TRIP4: variants seen among roughly 807,000 people sequenced by gnomAD.
TRIP4 encodes the protein activating signal cointegrator 1.
In TRIP4, 54 loss-of-function variants were observed where a neutral mutation model predicts 81.8. The observed-to-expected ratio is 0.66, with a 90% CI of 0.53 to 0.83. The LOEUF is 0.83. Ranked by LOEUF, TRIP4 falls within the 40% of genes least tolerant of loss-of-function variation. TRIP4 has a pLI of 0.00. For synonymous variants in TRIP4, 270 were observed against 242.8 expected (o/e 1.11, Z -1.04); for missense variants, 662 against 683.6 (o/e 0.97, Z 0.35).
At chr15:64,392,678 G>A in intron 1 of TRIP4, among the ~76,000 whole-genome samples, 1 of 152,030 alleles carries the variant, frequency 6.6e-6, no homozygotes, top group East Asian at 1.9e-4. Flanking sequence ...ATGTAGTGGT[G>A]CAATCATGGC....
intron 11 of TRIP4, among the ~76,000 whole-genome samples, chr15:64,436,751 G>A (rs1480219275): frequency 1.8e-5 from 1 of 55,024 alleles, no homozygotes; most frequent in Non-Finnish European, 3.5e-5. Flanking sequence ...TTCTTTAGGT[G>A]ACCATCTATG....
At chr15:64,408,556 G>A (rs987013694) in intron 6 of TRIP4, among the ~76,000 whole-genome samples, 8 of 152,064 alleles carry the variant, frequency 5.3e-5, no homozygotes, top group Non-Finnish European at 1.0e-4. Flanking sequence ...CACTGTGCCC[G>A]GCTGACAAAA....
chr15:64,418,558 T>C lies in TRIP4; in HGVS notation c.1188T>C (p.Gly396=). The change falls in exon 9 of 13, where the codon GGT becomes GGC. Residue 396 remains glycine (G), a synonymous_variant. Coordinates refer to ENST00000261884, the MANE Select transcript of TRIP4 (RefSeq NM_016213.5). Reference sequence around the variant, plus strand: ...CTGTGTAGTGGGTTGACCACACAGGTGCAGCCTCACAGAAGAAGGCTTTCC... The same window carrying C: ...CTGTGTAGTGGGTTGACCACACAGGCGCAGCCTCACAGAAGAAGGCTTTCC... ...QSPPQWVDHT[G]AASQKKAFRS... The C allele has an allele frequency of 6.2e-7, 1 of 1,612,568 alleles. No individual in the cohort carries two copies.
rs1892085728 is a variant in TRIP4 at position 64,424,155 on chromosome 15, G to A, written c.1483G>A (p.Asp495Asn). 6.2e-7 allele frequency: 1 copy of A among 1,614,098 alleles called. No individual in the cohort carries two copies. The highest frequency in any genetic ancestry group is 8.5e-7 in the Non-Finnish European group (1 of 1,180,006). ...TACATATCGTCTTCTTCGTGGGAAA[G>A]GTAACAGCCGCATATTCTCCTTTCA... is the stretch of plus-strand genomic sequence containing the variant. ...QATYRLLRGK[D>N]VEFPNDYPSG... Residue 495 changes from aspartate to asparagine, a missense_variant and splice_region_variant, in exon 10 of 13, where the codon GAT becomes AAT. Physicochemically the swap from Asp to Asn is conservative, Grantham distance 23 (BLOSUM62 1). Coordinates refer to ENST00000261884, the MANE Select transcript of TRIP4 (RefSeq NM_016213.5).
chr15:64,447,376 T>A (rs913696047), intron 12 of TRIP4, among the ~76,000 whole-genome samples: 5 of 152,222 alleles, frequency 3.3e-5, no homozygotes, highest in Admixed American at 6.5e-5. Flanking sequence ...AGAGAAGTAC[T>A]TCTCAAACTA....
rs1353295789 is a variant in TRIP4, at chr15:64,400,795, A to T, written c.671A>T (p.Gln224Leu). The change falls in exon 5 of 13, where the codon CAG becomes CTG. Residue 224 changes from glutamine (Q) to leucine (L), a missense_variant. Coordinates refer to ENST00000261884, the MANE Select transcript of TRIP4 (RefSeq NM_016213.5). ...TTACAGCGTGACTCAAACAAGAGCC[A>T]GAAACTGCTAAAGAAACTCATGTCA... ...DILQRDSNKS[Q>L]KLLKKLMSGV... 1.9e-6 allele frequency: 3 copies of T among 1,614,142 alleles called. No individual in the cohort carries two copies. Among genetic ancestry groups the T allele is most frequent in the Non-Finnish European group, 1.7e-6 (2 of 1,179,982 alleles).
At chr15:64,401,337 A>G (rs1200934666) in intron 5 of TRIP4, among the ~76,000 whole-genome samples, 1 of 152,026 alleles carries the variant, frequency 6.6e-6, no homozygotes, top group South Asian at 2.1e-4. Context: ...GGGTTTCACC[A>G]TGTTAGCCAG....
At chr15:64,450,527 C>CG (rs1892735130) in intron 12 of TRIP4, 1 of 354,046 alleles carries the variant, frequency 2.8e-6, no homozygotes, top group African/African-American at 2.1e-5. Flanking sequence ...CAAGAAGCCC[C>CG]GGTCCCTTAC....
intron 11 of TRIP4, among the ~76,000 whole-genome samples, chr15:64,432,177 G>A (rs1892293730): frequency 6.6e-6 from 1 of 151,718 alleles, no homozygotes; most frequent in Admixed American, 6.6e-5. Context: ...GAGCCACCAT[G>A]CCTGGCTGAG....
chr15:64,406,010 A>C (rs1396338984), intron 5 of TRIP4, among the ~76,000 whole-genome samples: 2 of 152,218 alleles, frequency 1.3e-5, no homozygotes, highest in African/African-American at 4.8e-5. Context: ...GTATATTTAA[A>C]GGTAATATTG....
At chr15:64,441,674 G>T (rs904097474) in intron 11 of TRIP4, among the ~76,000 whole-genome samples, 1 of 152,136 alleles carries the variant, frequency 6.6e-6, no homozygotes, top group East Asian at 1.9e-4. Context: ...TCGGGAGGCT[G>T]AGGCAGGAGA....
At chr15:64,423,816 C>G (rs1388997766) in intron 9 of TRIP4, among the ~76,000 whole-genome samples, 2 of 152,120 alleles carry the variant, frequency 1.3e-5, no homozygotes, top group Non-Finnish European at 2.9e-5. Flanking sequence ...TGTCGCTATT[C>G]TGATGGAGGA....
intron 7 of TRIP4, 94 bp from the exon 8 acceptor site, chr15:64,413,991 A>C: frequency 6.9e-7 from 1 of 1,448,998 alleles, no homozygotes; most frequent in Non-Finnish European, 9.4e-7. Context: ...TTATATTCCA[A>C]ATTTTATTAC....
Position 64,395,483 on chromosome 15 carries a change from T to G in TRIP4, c.357T>G (p.Thr119=), listed in dbSNP as rs1900264862. ...ACAGACAGGAAGTTCCTGCATTTACTGAACCTGACACGACTGCAGAGGTTA... is the reference window on the plus strand; with the variant it reads ...ACAGACAGGAAGTTCCTGCATTTACGGAACCTGACACGACTGCAGAGGTTA... ...GRNRQEVPAF[T]EPDTTAEVKT... The change falls in exon 3 of 13, where the codon ACT becomes ACG. Residue 119 remains threonine (T), a synonymous_variant. Coordinates refer to ENST00000261884, the MANE Select transcript of TRIP4 (RefSeq NM_016213.5). 1 of 1,613,910 alleles carries G rather than the reference T, an allele frequency of 6.2e-7. No homozygotes were observed. The highest frequency in any genetic ancestry group is 8.5e-7 in the Non-Finnish European group (1 of 1,179,988).
At chr15:64,438,687 T>A (rs902290785) in intron 11 of TRIP4, among the ~76,000 whole-genome samples, 3 of 152,132 alleles carry the variant, frequency 2.0e-5, no homozygotes, top group Non-Finnish European at 4.4e-5. Flanking sequence ...CATGAGTGGG[T>A]GATTCCCAGT....
intron 10 of TRIP4, among the ~76,000 whole-genome samples, chr15:64,424,603 A>T (rs1406721563): frequency 6.6e-6 from 1 of 152,168 alleles, no homozygotes; most frequent in African/African-American, 2.4e-5. Flanking sequence ...TTGGATCCTT[A>T]AAAAGACTTC....
chr15:64,397,974 C>T (rs557340648), intron 4 of TRIP4, among the ~76,000 whole-genome samples, 156 bp downstream of exon 4: 6 of 152,024 alleles, frequency 3.9e-5, no homozygotes, highest in South Asian at 2.1e-4. Flanking sequence ...GATCTCGGCT[C>T]GCTGCAGGCT....
At chr15:64,427,380 A>G (rs1471657185) in intron 11 of TRIP4, among the ~76,000 whole-genome samples, 2 of 150,630 alleles carry the variant, frequency 1.3e-5, no homozygotes, top group Non-Finnish European at 3.0e-5. Flanking sequence ...TCTATTCTTT[A>G]CTCTTTATTT....
Position 64,435,803 on chromosome 15 carries a change from GAGTGTAAAGGA to G in TRIP4, c.1576-9200_1576-9190del, listed in dbSNP as rs1892378842. Among the ~76,000 whole-genome samples the G allele has an allele frequency of 4.2e-5, 5 of 117,972 alleles. No homozygotes were observed. The South Asian group carries it at 1.5e-3, about 36-fold the overall frequency. 77.4% of individuals were successfully genotyped at this position (117,972 alleles called of 152,430 possible). A position where few individuals can be genotyped will look rare whatever the true frequency, so the allele number is the denominator to read the frequency against. On this transcript the variant is annotated intron_variant, in intron 11 of 12. Transcript: ENST00000261884. ...ATGGCTGGAAGTGGGATGGGAGGGG[GAGTGTAAAGGA>G]AGCTTCTTAAAAAAAAAAAAAAAAA... is the stretch of plus-strand genomic sequence containing the variant.
Sources: allele counts gnomAD v4.1 joint callset (sites outside exome capture counted in the v4.1 genomes callset), GRCh38; gene constraint gnomAD v4.1.1; transcripts MANE v1.5; gene names NCBI Gene and HGNC (gene_info 2026-07-23, HGNC 2026-07-21).